Variants in ATP11C observed in about 807,000 individuals in gnomAD.
ATP11C encodes the protein phospholipid-transporting ATPase IG.
In ATP11C, 36 loss-of-function variants were observed where a neutral mutation model predicts 97.4. That is an observed-to-expected ratio of 0.37 (90% confidence interval 0.28 to 0.49). The LOEUF (loss-of-function observed/expected upper bound fraction) is 0.49. Ranked by LOEUF, ATP11C falls within the 20% of genes least tolerant of loss-of-function variation. ATP11C has a pLI of 0.98. For missense variants in ATP11C, 730 were observed against 824.6 expected (o/e 0.89, Z 1.40); for synonymous variants, 275 against 290.9 (o/e 0.95, Z 0.56).
intron 1 of ATP11C, among the ~76,000 whole-genome samples, chrX:139,911,249 T>C (rs1277727463): frequency 9.0e-6 from 1 of 111,468 alleles, no homozygotes; most frequent in Non-Finnish European, 1.9e-5. Flanking sequence ...AGCTTTAGTG[T>C]TTTGAATATG....
At chrX:139,775,029 A>G (rs2082323251) in intron 18 of ATP11C, 76 bp from the exon 19 acceptor site, 1 of 1,021,162 alleles carries the variant, frequency 9.8e-7, no homozygotes, top group Non-Finnish European at 1.3e-6. Flanking sequence ...ATTAAAGAGA[A>G]TATTTTTATA....
chrX:139,851,179 C>CAT (rs1363223589), intron 1 of ATP11C, among the ~76,000 whole-genome samples: 1 of 111,291 alleles, frequency 9.0e-6, no homozygotes, highest in African/African-American at 3.3e-5. Flanking sequence ...AGACCTGGGG[C>CAT]ATACTCCACA....
chrX:139,799,951 C>T, intron 8 of ATP11C, 109 bp downstream of exon 8: 3 of 705,976 alleles, frequency 4.2e-6, no homozygotes, highest in Non-Finnish European at 6.6e-6. Context: ...CGCACCCGGC[C>T]TATATTCCTT....
rs2081265238 is a variant in ATP11C, at chrX:139,727,097, T to C, written c.*1869A>G. 8.9e-6 allele frequency: 1 copy of C among 111,892 alleles called. No individual in the cohort carries two copies. The highest frequency in any genetic ancestry group is 3.8e-4 in the South Asian group (1 of 2,656). 9.2% of individuals were successfully genotyped at this position (111,892 alleles called of 1,213,427 possible). ...GAATTTTACATGCAACCAGTTATTTTTCTACTAGATTATTCTGTTAACTCT... is the reference window on the plus strand; with the variant it reads ...GAATTTTACATGCAACCAGTTATTTCTCTACTAGATTATTCTGTTAACTCT... On this transcript the variant is annotated 3_prime_UTR_variant, in exon 30 of 30. Transcript: ENST00000682941.
chrX:139,867,707 G>T (rs1426031654), intron 1 of ATP11C, among the ~76,000 whole-genome samples: 2 of 112,103 alleles, frequency 1.8e-5, no homozygotes, highest in Non-Finnish European at 3.8e-5. Flanking sequence ...TAAGAGGGAG[G>T]ATCTGGCAGA....
intron 1 of ATP11C, among the ~76,000 whole-genome samples, chrX:139,926,586 T>C (rs2085355324): frequency 4.5e-5 from 5 of 112,095 alleles, no homozygotes; most frequent in Admixed American, 3.8e-4. Flanking sequence ...GTTGCATCAA[T>C]ATAAAAATGG....
Position 139,932,340 on chromosome X carries a change from C to G in ATP11C, c.-298G>C, listed in dbSNP as rs1392583540. 11 of 109,639 alleles carry G rather than the reference C, an allele frequency of 1.0e-4. No individual in the cohort carries two copies. Among genetic ancestry groups the G allele is most frequent in the African/African-American group, 3.3e-4 (10 of 30,389 alleles). The allele number at this position is 109,639 out of a possible 1,213,427, so 9.0% of individuals were successfully genotyped here. On this transcript the variant is annotated 5_prime_UTR_variant, in exon 1 of 30. Transcript: ENST00000682941. ...CCCGGCACCCCGGGCCGGCAGCTCG[C>G]GCAGCACCCACTGAGAAGGCGAGCC...
chrX:139,737,635 A>G, intron 28 of ATP11C: 1 of 206,460 alleles, frequency 4.8e-6, no homozygotes. Context: ...ACAAAATAAA[A>G]TAATTTTTTC....
chrX:139,900,131 G>A (rs1442856680), intron 1 of ATP11C, among the ~76,000 whole-genome samples: 1 of 111,437 alleles, frequency 9.0e-6, no homozygotes, highest in Non-Finnish European at 1.9e-5. Flanking sequence ...AGCACTTTGG[G>A]AGGCCAAGGC....
intron 19 of ATP11C, among the ~76,000 whole-genome samples, chrX:139,773,030 T>A (rs777998998): frequency 1.8e-5 from 2 of 110,837 alleles, no homozygotes; most frequent in African/African-American, 6.6e-5. Flanking sequence ...CTCCCAGAAT[T>A]CCCATGTGTT....
chrX:139,830,753 C>T (rs1291166169), intron 1 of ATP11C, among the ~76,000 whole-genome samples: 1 of 111,856 alleles, frequency 8.9e-6, no homozygotes, highest in Non-Finnish European at 1.9e-5. Flanking sequence ...GTTCTCCACT[C>T]TCCAGCCCAA....
At chrX:139,773,334 A>G (rs1044743678) in intron 19 of ATP11C, among the ~76,000 whole-genome samples, 6 of 110,995 alleles carry the variant, frequency 5.4e-5, no homozygotes, top group Non-Finnish European at 7.5e-5. Context: ...ACTTTAGATG[A>G]GTTAATGAAG....
At chrX:139,934,152 G>T (rs2085495138), upstream of ATP11C, among the ~76,000 whole-genome samples, 1 of 111,904 alleles carries the variant, frequency 8.9e-6, no homozygotes. Flanking sequence ...AAGAGATCAC[G>T]CTGTAGTGGC....
intron 25 of ATP11C, among the ~76,000 whole-genome samples, 183 bp downstream of exon 25, chrX:139,745,539 G>A (rs184924068): frequency 1.6e-3 from 184 of 112,253 alleles, no homozygotes; most frequent in African/African-American, 5.5e-3. Flanking sequence ...GCCATGCACA[G>A]AAAGTGATTT....
chrX:139,839,470 A>G (rs2083795770), intron 1 of ATP11C, among the ~76,000 whole-genome samples: 1 of 112,082 alleles, frequency 8.9e-6, no homozygotes, highest in African/African-American at 3.2e-5. Context: ...CCATTCAACC[A>G]ATATTTATTG....
At chrX:139,912,174 C>CAAA (rs1162620391) in intron 1 of ATP11C, among the ~76,000 whole-genome samples, 9 of 24,474 alleles carry the variant, frequency 3.7e-4, no homozygotes, top group African/African-American at 1.1e-3. Flanking sequence ...GACTCTGTCT[C>CAAA]AAAAAAAAAA....
chrX:139,742,262 T>C (rs1053406927), intron 26 of ATP11C, among the ~76,000 whole-genome samples: 7 of 111,542 alleles, frequency 6.3e-5, no homozygotes, highest in Non-Finnish European at 1.1e-4. Context: ...TATTCACTAA[T>C]TGAGTCCTCA....
chrX:139,927,120 G>A (rs998314837), intron 1 of ATP11C, among the ~76,000 whole-genome samples: 1 of 112,017 alleles, frequency 8.9e-6, no homozygotes, highest in Non-Finnish European at 1.9e-5. Context: ...TCAATGCAAT[G>A]CAGTTACCAT....
intron 1 of ATP11C, among the ~76,000 whole-genome samples, chrX:139,846,274 A>C (rs974342648): frequency 1.8e-5 from 2 of 112,207 alleles, no homozygotes; most frequent in East Asian, 5.6e-4. Flanking sequence ...ATTTTTACCC[A>C]AAAGAATTCT....
Sources: gnomAD v4.1 joint callset for allele counts (sites outside exome capture counted in the v4.1 genomes callset) on GRCh38, gnomAD v4.1.1 for gene constraint, MANE v1.5 for transcripts, NCBI Gene and HGNC (gene_info 2026-07-23, HGNC 2026-07-21) for gene names.